Variants in MKLN1 observed in about 807,000 individuals in gnomAD.
MKLN1 encodes the protein muskelin 1, also known as muskelin.
Under a neutral mutation model 99.0 loss-of-function variants are expected in MKLN1, and 18 were observed. That is an observed-to-expected ratio of 0.18 (90% CI 0.13 to 0.27). The LOEUF (loss-of-function observed/expected upper bound fraction) is 0.27, where lower values mean the gene tolerates loss of function less well. Among genes scored for constraint, MKLN1 ranks in the 10% least tolerant of loss-of-function variants. The pLI is 1.00. For missense variants in MKLN1, 621 were observed against 875.9 expected, an observed-to-expected ratio of 0.71 and a Z score of 3.67; for synonymous variants, 288 against 293.2, an observed-to-expected ratio of 0.98 and a Z score of 0.18.
rs71527998 is a variant in MKLN1, at chr7:131,248,074, ATTATTTAT to A, written c.-179+45123_-179+45130del. 5.2e-4 allele frequency among the ~76,000 whole-genome samples: 30 copies of A among 57,328 alleles called. 1 individual carries two copies. Among genetic ancestry groups the A allele is most frequent in the South Asian group, 2.6e-3 (6 of 2,278 alleles). The allele number at this position is 57,328 out of a possible 152,430, so 37.6% of individuals were successfully genotyped here. Reference sequence around the variant, plus strand: ...CCACCACACTCAGCTAATTACATTTATTATTTATTTATTTATTTATTTATTTATTTTTG... The same window carrying A: ...CCACCACACTCAGCTAATTACATTTATTATTTATTTATTTATTTATTTTTG... On this transcript the variant is annotated intron_variant, in intron 3 of 7. Transcript: ENST00000416992.
intron 3 of MKLN1, among the ~76,000 whole-genome samples, chr7:131,225,779 G>A (rs764138452): frequency 1.3e-4 from 20 of 152,224 alleles, no homozygotes; most frequent in Admixed American, 2.6e-4. Flanking sequence ...CTTGGCCTTC[G>A]AGGAAGACGG....
At chr7:131,320,854 G>A (rs1248900000) in intron 3 of MKLN1, among the ~76,000 whole-genome samples, 1 of 152,220 alleles carries the variant, frequency 6.6e-6, no homozygotes, top group Non-Finnish European at 1.5e-5. Context: ...GGTCATTAGA[G>A]AAATGCAACT....
intron 9 of MKLN1, among the ~76,000 whole-genome samples, chr7:131,430,963 T>A (rs1795505256): frequency 6.6e-6 from 1 of 152,138 alleles, no homozygotes; most frequent in East Asian, 1.9e-4. Context: ...GGCTCATGCC[T>A]GTAATCCCAG....
At position 131,492,174 on chromosome 7, in the gene MKLN1, A is replaced by G. The variant is rs192600093; in HGVS notation, c.*4446A>G. Reference sequence around the variant, plus strand: ...ACAGGTTTGATAGCAGAGTTCCTGAATTCAGCATATCATCAGAATTTCCAT... The same window carrying G: ...ACAGGTTTGATAGCAGAGTTCCTGAGTTCAGCATATCATCAGAATTTCCAT... On this transcript the variant is annotated 3_prime_UTR_variant, in exon 18 of 18. Coordinates refer to ENST00000352689, the MANE Select transcript of MKLN1 (RefSeq NM_013255.5). 228 of 152,298 alleles carry G rather than the reference A, an allele frequency of 1.5e-3. 6 individuals carry two copies. The highest frequency in any genetic ancestry group is 0.015 in the Admixed American group (227 of 15,294). 9.4% of individuals were successfully genotyped at this position (152,298 alleles called of 1,614,324 possible).
In MKLN1 at chr7:131,186,380, C is replaced by A. The variant is rs150078453; in HGVS notation, c.-296-16477C>A. Among the ~76,000 whole-genome samples the A allele has an allele frequency of 5.5e-4, 84 of 152,262 alleles. 2 individuals carry two copies. The highest frequency in any genetic ancestry group is 1.9e-4 in the Non-Finnish European group (13 of 68,026). On this transcript the variant is annotated intron_variant, in intron 2 of 7. Coordinates refer to the MKLN1 transcript ENST00000416992. ...AAAATGAGCTGGGCATGGTAGCACA[C>A]GCCTGTAGCCCCAGCTGCTCAGGAG...
At chr7:131,445,748 T>C (rs758125168) in intron 11 of MKLN1, 26 bp from the exon 12 acceptor site, 4 of 1,577,390 alleles carry the variant, frequency 2.5e-6, no homozygotes, top group Non-Finnish European at 3.4e-6. Context: ...AGTTACTCCT[T>C]TCTTTTTTTT....
chr7:131,160,059 C>T (rs1049401711), intron 2 of MKLN1, among the ~76,000 whole-genome samples: 1 of 152,206 alleles, frequency 6.6e-6, no homozygotes, highest in Non-Finnish European at 1.5e-5. Flanking sequence ...ACTCCCATGC[C>T]TGGTAGAGTC....
At chr7:131,429,735 C>A (rs543828756) in intron 9 of MKLN1, among the ~76,000 whole-genome samples, 1 of 152,104 alleles carries the variant, frequency 6.6e-6, no homozygotes, top group Non-Finnish European at 1.5e-5. Flanking sequence ...TCCGCCACCA[C>A]GCCCAGCGAA....
intron 3 of MKLN1, 60 bp downstream of exon 3, chr7:131,387,322 T>C: frequency 1.4e-6 from 2 of 1,472,368 alleles, no homozygotes; most frequent in Non-Finnish European, 1.8e-6. Flanking sequence ...CTTAGTCTTT[T>C]TGTAGCTAAT....
intron 1 of MKLN1, among the ~76,000 whole-genome samples, chr7:131,340,197 G>A (rs935781745): frequency 1.7e-4 from 26 of 150,628 alleles, no homozygotes; most frequent in Admixed American, 4.0e-4. Context: ...CTTTGTTCTG[G>A]CACCCATTCC....
rs116508268 is a variant in MKLN1, at chr7:131,219,667, G to A, written c.-179+16693G>A. On this transcript the variant is annotated intron_variant, in intron 3 of 7. Transcript: ENST00000416992. ...TTAGGCCATGGTACAAATGGCTGTC[G>A]GGCCCTGGGTTCAGCCCAGCACAGG... Among the ~76,000 whole-genome samples, 493 of 152,092 alleles carry A rather than the reference G, an allele frequency of 3.2e-3. 4 individuals are homozygous for A. The highest frequency in any genetic ancestry group is 0.011 in the African/African-American group (464 of 41,500).
At chr7:131,200,082 C>T (rs942890442) in intron 2 of MKLN1, among the ~76,000 whole-genome samples, 3 of 152,118 alleles carry the variant, frequency 2.0e-5, no homozygotes, top group African/African-American at 7.2e-5. Flanking sequence ...ACCATCTCAG[C>T]TCTGCAACCT....
At chr7:131,188,654 A>G (rs1444116065) in intron 2 of MKLN1, among the ~76,000 whole-genome samples, 1 of 152,228 alleles carries the variant, frequency 6.6e-6, no homozygotes, top group Non-Finnish European at 1.5e-5. Context: ...GCCAAAAGGC[A>G]GGCCCAGACT....
chr7:131,375,672 G>A (rs612323), intron 2 of MKLN1, among the ~76,000 whole-genome samples, 179 bp downstream of exon 2: 1 of 151,928 alleles, frequency 6.6e-6, no homozygotes, highest in African/African-American at 2.4e-5. Flanking sequence ...TTATCTCATA[G>A]GCAAATGCAG....
intron 3 of MKLN1, among the ~76,000 whole-genome samples, chr7:131,261,535 A>G (rs750520349): frequency 2.0e-5 from 3 of 152,224 alleles, no homozygotes; most frequent in East Asian, 1.9e-4. Flanking sequence ...ACACTTATAC[A>G]TTGGTGGTGG....
chr7:131,156,641 G>C (rs1401987033), intron 2 of MKLN1, among the ~76,000 whole-genome samples: 1 of 152,024 alleles, frequency 6.6e-6, no homozygotes, highest in Non-Finnish European at 1.5e-5. Context: ...ACTGACTACT[G>C]TATTGCAAGT....
chr7:131,368,179 G>A (rs1315089971), intron 1 of MKLN1, among the ~76,000 whole-genome samples: 2 of 152,168 alleles, frequency 1.3e-5, no homozygotes, highest in African/African-American at 4.8e-5. Flanking sequence ...GAGTGGAAAT[G>A]GGTGGAGGGG....
chr7:131,235,346 C>A (rs1464833076), intron 3 of MKLN1, among the ~76,000 whole-genome samples: 1 of 150,766 alleles, frequency 6.6e-6, no homozygotes, highest in Non-Finnish European at 1.5e-5. Context: ...AGAGAGAGAG[C>A]ATCTTCAGAC....
intron 1 of MKLN1, among the ~76,000 whole-genome samples, chr7:131,350,186 A>G (rs1799678374): frequency 6.6e-6 from 1 of 151,798 alleles, no homozygotes; most frequent in Non-Finnish European, 1.5e-5. Flanking sequence ...GAAGAAGAGG[A>G]CATTTTATTA....
Sources: allele counts gnomAD v4.1 joint callset (sites outside exome capture counted in the v4.1 genomes callset), GRCh38; gene constraint gnomAD v4.1.1; transcripts MANE v1.5; gene names NCBI Gene and HGNC (gene_info 2026-07-23, HGNC 2026-07-21).